Variants in SCG5 observed in about 807,000 individuals in gnomAD.
SCG5 encodes the protein neuroendocrine protein 7B2.
In SCG5, 18 loss-of-function variants were observed where a neutral mutation model predicts 25.7. The observed-to-expected ratio is 0.70, with a 90% CI of 0.48 to 1.04. The LOEUF (loss-of-function observed/expected upper bound fraction) is 1.04. Ranked by LOEUF, SCG5 falls within the 50% of genes least tolerant of loss-of-function variation. The probability of loss-of-function intolerance (pLI) is 0.00; values close to 1 mark genes in which losing one functional copy is unlikely to be tolerated. For missense variants in SCG5, 206 were observed against 259.8 expected (o/e 0.79, Z 1.42); for synonymous variants, 101 against 91.7 (o/e 1.10, Z -0.58).
intron 2 of SCG5, among the ~76,000 whole-genome samples, chr15:32,663,018 T>A (rs2054247085): frequency 8.1e-6 from 1 of 123,916 alleles, no homozygotes; most frequent in African/African-American, 2.9e-5. Context: ...AGATTAGGGC[T>A]GTTAAAAAAA....
chr15:32,656,476 T>C (rs942576194), intron 2 of SCG5, among the ~76,000 whole-genome samples: 3 of 152,230 alleles, frequency 2.0e-5, no homozygotes, highest in African/African-American at 7.2e-5. Flanking sequence ...TTAAAAAGGT[T>C]AAAAACGTTT....
At chr15:32,650,610 G>A (rs1176645497) in intron 2 of SCG5, among the ~76,000 whole-genome samples, 1 of 152,254 alleles carries the variant, frequency 6.6e-6, no homozygotes, top group Non-Finnish European at 1.5e-5. Flanking sequence ...ACCATGTGCT[G>A]TGAGATGGGA....
chr15:32,691,049 C>A (rs1008269432), intron 4 of SCG5, among the ~76,000 whole-genome samples: 1 of 152,034 alleles, frequency 6.6e-6, no homozygotes, highest in Non-Finnish European at 1.5e-5. Flanking sequence ...CTCATTGAAG[C>A]CCACTATGTG....
chr15:32,672,933 AGAGAC>A (rs1434051207), intron 2 of SCG5: 15 of 106,428 alleles, frequency 1.4e-4, no homozygotes, highest in South Asian at 8.6e-4. Context: ...AAAAAAAAAA[AGAGAC>A]AGAGTGACGA....
intron 2 of SCG5, among the ~76,000 whole-genome samples, chr15:32,658,113 G>A (rs1351889125): frequency 6.6e-6 from 1 of 152,192 alleles, no homozygotes; most frequent in African/African-American, 2.4e-5. Flanking sequence ...GCACCCCAGT[G>A]AGGTGGGCTG....
At chr15:32,667,984 T>C (rs1269603700) in intron 2 of SCG5, among the ~76,000 whole-genome samples, 1 of 152,198 alleles carries the variant, frequency 6.6e-6, no homozygotes, top group Non-Finnish European at 1.5e-5. Context: ...TTATTCTTAA[T>C]ACCTATTGCC....
chr15:32,648,783 TAAA>T (rs1212922715), intron 2 of SCG5, among the ~76,000 whole-genome samples: 73 of 131,332 alleles, frequency 5.6e-4, no homozygotes, highest in Admixed American at 1.2e-3. Flanking sequence ...TTTTTTTTTT[TAAA>T]AAAAAAACAG....
At chr15:32,689,499 C>A (rs1234363838) in intron 4 of SCG5, among the ~76,000 whole-genome samples, 1 of 152,162 alleles carries the variant, frequency 6.6e-6, no homozygotes, top group Admixed American at 6.5e-5. Context: ...AAACCAGGAT[C>A]TGGACAGTTG....
intron 2 of SCG5, among the ~76,000 whole-genome samples, chr15:32,659,032 T>C (rs909411968): frequency 7.3e-4 from 111 of 151,976 alleles, no homozygotes; most frequent in Middle Eastern, 3.4e-3. Context: ...AAAAATTAGC[T>C]GGGCATGGTG....
chr15:32,685,532 AC>A (rs1239054112), intron 4 of SCG5, among the ~76,000 whole-genome samples: 5 of 152,142 alleles, frequency 3.3e-5, no homozygotes, highest in African/African-American at 1.2e-4. Context: ...TCTTAGCACT[AC>A]CCCACTCCAC....
chr15:32,660,909 A>T (rs1322623654), intron 2 of SCG5, among the ~76,000 whole-genome samples: 1 of 152,250 alleles, frequency 6.6e-6, no homozygotes, highest in Non-Finnish European at 1.5e-5. Flanking sequence ...CTCCACTATT[A>T]TATTTGGAAT....
At chr15:32,648,651 C>A (rs995684899) in intron 2 of SCG5, among the ~76,000 whole-genome samples, 5 of 152,066 alleles carry the variant, frequency 3.3e-5, no homozygotes, top group African/African-American at 1.2e-4. Flanking sequence ...ATGGGATCAA[C>A]AATGGGAGGC....
At chr15:32,663,061 AT>A (rs1567076429) in intron 2 of SCG5, among the ~76,000 whole-genome samples, 2,392 of 68,800 alleles carry the variant, frequency 0.035, 107 homozygotes, top group South Asian at 0.051. Context: ...ATATATATAT[AT>A]ATATATATAT....
chr15:32,689,843 T>C (rs998363892), intron 4 of SCG5, among the ~76,000 whole-genome samples: 8 of 138,722 alleles, frequency 5.8e-5, no homozygotes, highest in African/African-American at 2.1e-4. Context: ...TTGCATTTCT[T>C]TTTTTTTTTT....
intron 2 of SCG5, among the ~76,000 whole-genome samples, chr15:32,660,139 A>T (rs1431353902): frequency 1.3e-5 from 2 of 152,180 alleles, no homozygotes; most frequent in African/African-American, 2.4e-5. Context: ...TCATTTAACT[A>T]GGTCTGTATA....
chr15:32,693,936 C>T (rs892762615), intron 5 of SCG5, among the ~76,000 whole-genome samples: 5 of 152,054 alleles, frequency 3.3e-5, no homozygotes, highest in Admixed American at 1.3e-4. Context: ...ATGGTGAAAC[C>T]CCATCTCTAC....
intron 2 of SCG5, among the ~76,000 whole-genome samples, chr15:32,659,060 C>T (rs1199410760): frequency 6.6e-6 from 1 of 152,078 alleles, no homozygotes; most frequent in East Asian, 1.9e-4. Flanking sequence ...CCTGTAGTCC[C>T]AGCTACTCGG....
At chr15:32,688,189 C>T (rs1359573198) in intron 4 of SCG5, among the ~76,000 whole-genome samples, 4 of 152,176 alleles carry the variant, frequency 2.6e-5, no homozygotes, top group Admixed American at 6.5e-5. Context: ...CTATTGAGTC[C>T]TACCGAGGGC....
chr15:32,695,258 G>A (rs898035159), intron 5 of SCG5, among the ~76,000 whole-genome samples: 1 of 151,862 alleles, frequency 6.6e-6, no homozygotes, highest in East Asian at 1.9e-4. Context: ...CTTGTGATCC[G>A]CCCACCTAGG....
Sources: gnomAD v4.1 joint callset for allele counts (sites outside exome capture counted in the v4.1 genomes callset) on GRCh38, gnomAD v4.1.1 for gene constraint, MANE v1.5 for transcripts, NCBI Gene and HGNC (gene_info 2026-07-23, HGNC 2026-07-21) for gene names.